The following CACNA2D3 variants were observed in gnomAD, a reference collection of about 807,000 sequenced individuals.
CACNA2D3 encodes the protein voltage-dependent calcium channel subunit alpha-2/delta-3.
CACNA2D3 carries 60 observed loss-of-function variants against 160.6 expected under a neutral mutation model. The ratio of observed to expected loss-of-function variants is 0.37; its 90% CI spans 0.30 to 0.46. The LOEUF is 0.46. Among genes scored for constraint, CACNA2D3 ranks in the 20% least tolerant of loss-of-function variants. The pLI is 1.00. For synonymous variants in CACNA2D3, 558 were observed against 492.9 expected (o/e 1.13, Z -1.75); for missense variants, 1,205 against 1,365.0 (o/e 0.88, Z 1.85).
At chr3:54,807,062 AT>A (rs1703147268) in intron 13 of CACNA2D3, among the ~76,000 whole-genome samples, 1 of 152,258 alleles carries the variant, frequency 6.6e-6, no homozygotes, top group Non-Finnish European at 1.5e-5. Context: ...TTCAAGATAG[AT>A]TAAAGACTTA....
chr3:54,888,646 T>G (rs191314407), intron 24 of CACNA2D3, among the ~76,000 whole-genome samples: 1 of 152,338 alleles, frequency 6.6e-6, no homozygotes, highest in East Asian at 1.9e-4. Flanking sequence ...TATATTTTCA[T>G]GTGTTACATG....
intron 5 of CACNA2D3, among the ~76,000 whole-genome samples, chr3:54,555,781 G>A (rs1238971175): frequency 6.6e-6 from 1 of 152,172 alleles, no homozygotes; most frequent in Admixed American, 6.5e-5. Context: ...AATGTGGATT[G>A]GATAGGAATA....
intron 11 of CACNA2D3, among the ~76,000 whole-genome samples, chr3:54,740,778 A>G (rs928440547): frequency 6.6e-6 from 1 of 152,168 alleles, no homozygotes; most frequent in Admixed American, 6.5e-5. Flanking sequence ...AGTGACAGGG[A>G]GGATGGGTTG....
intron 2 of CACNA2D3, among the ~76,000 whole-genome samples, chr3:54,301,166 A>T (rs1003891970): frequency 1.3e-5 from 2 of 152,112 alleles, no homozygotes; most frequent in African/African-American, 4.8e-5. Flanking sequence ...CTGAGGCAGG[A>T]GGCCCACTTG....
At chr3:54,967,653 G>C (rs1575413292) in intron 27 of CACNA2D3, among the ~76,000 whole-genome samples, 1 of 152,140 alleles carries the variant, frequency 6.6e-6, no homozygotes, top group Non-Finnish European at 1.5e-5. Context: ...CATCTGAGGA[G>C]CATTTTGCCC....
rs781375411 is a variant in CACNA2D3 at position 54,139,755 on chromosome 3, TAAAA to T, written c.204+16167_204+16170del. ...ACGTTAATTGCTTTAAACTGCCAAA[TAAAA>T]AAAAAGCCAGCATTCATTCAACAAG... On this transcript the variant is annotated intron_variant, in intron 2 of 37. Coordinates refer to ENST00000474759, the MANE Select transcript of CACNA2D3 (RefSeq NM_018398.3). 4.8e-4 allele frequency among the ~76,000 whole-genome samples: 72 copies of T among 151,312 alleles called. 3 individuals carry two copies. Among genetic ancestry groups the T allele is most frequent in the South Asian group, 1.5e-3 (7 of 4,774 alleles).
intron 5 of CACNA2D3, among the ~76,000 whole-genome samples, chr3:54,517,550 T>C (rs1227017043): frequency 6.6e-6 from 1 of 152,240 alleles, no homozygotes; most frequent in Non-Finnish European, 1.5e-5. Context: ...GCCCACCTGC[T>C]GCACAGGCTG....
intron 11 of CACNA2D3, among the ~76,000 whole-genome samples, chr3:54,687,144 T>TTTTTTTTTG (rs1700477166): frequency 1.3e-5 from 1 of 74,498 alleles, no homozygotes; most frequent in Admixed American, 1.1e-4. Context: ...TGTTTTTTTT[T>TTTTTTTTTG]TTTTTTGTTT....
chr3:55,018,699 T>C (rs1163206330), intron 35 of CACNA2D3, among the ~76,000 whole-genome samples: 3 of 152,126 alleles, frequency 2.0e-5, no homozygotes, highest in East Asian at 1.9e-4. Context: ...ACCTGATAAA[T>C]TGGAAATGTT....
chr3:54,715,812 A>T (rs559402473), intron 11 of CACNA2D3, among the ~76,000 whole-genome samples: 199 of 152,332 alleles, frequency 1.3e-3, no homozygotes, highest in Non-Finnish European at 2.5e-3. Context: ...CAACATGGAT[A>T]AACTTGGAGG....
chr3:54,294,178 G>C (rs966075902), intron 2 of CACNA2D3, among the ~76,000 whole-genome samples: 1 of 152,182 alleles, frequency 6.6e-6, no homozygotes, highest in Non-Finnish European at 1.5e-5. Flanking sequence ...GAAAGACTAA[G>C]TAACAGCCTG....
intron 2 of CACNA2D3, among the ~76,000 whole-genome samples, chr3:54,156,860 G>A (rs1461729645): frequency 6.6e-6 from 1 of 152,196 alleles, no homozygotes. Context: ...GCTCAGCTGA[G>A]CCCTTCCCCA....
intron 27 of CACNA2D3, among the ~76,000 whole-genome samples, chr3:54,961,392 T>C (rs1300853262): frequency 6.6e-6 from 1 of 152,214 alleles, no homozygotes; most frequent in African/African-American, 2.4e-5. Context: ...AGAGATGAAA[T>C]ATATGGGAAA....
intron 35 of CACNA2D3, among the ~76,000 whole-genome samples, chr3:55,069,673 C>T (rs1458987): frequency 0.21 from 32,421 of 152,032 alleles, 4,568 homozygotes; most frequent in African/African-American, 0.35. Context: ...TATCTGTTCT[C>T]TGGGTGATTG....
intron 11 of CACNA2D3, among the ~76,000 whole-genome samples, chr3:54,736,940 T>C (rs897886961): frequency 1.3e-5 from 2 of 152,200 alleles, no homozygotes; most frequent in African/African-American, 4.8e-5. Flanking sequence ...GTATCATGTA[T>C]GGTACCAGGT....
intron 9 of CACNA2D3, among the ~76,000 whole-genome samples, chr3:54,608,616 G>A (rs971453848): frequency 2.0e-5 from 3 of 152,214 alleles, no homozygotes; most frequent in African/African-American, 7.2e-5. Context: ...AAAGACTGGT[G>A]TAGACCATGC....
intron 11 of CACNA2D3, among the ~76,000 whole-genome samples, chr3:54,646,010 T>A (rs1699627782): frequency 6.6e-6 from 1 of 152,096 alleles, no homozygotes; most frequent in African/African-American, 2.4e-5. Context: ...TGTGGCTTGC[T>A]TTTAACCAAT....
At chr3:54,405,047 A>T (rs1403583479) in intron 4 of CACNA2D3, among the ~76,000 whole-genome samples, 1 of 151,938 alleles carries the variant, frequency 6.6e-6, no homozygotes, top group African/African-American at 2.4e-5. Context: ...ATGCTCATGA[A>T]TTGGAAGAAT....
At chr3:55,010,686 A>G (rs1703192918) in intron 34 of CACNA2D3, among the ~76,000 whole-genome samples, 1 of 152,234 alleles carries the variant, frequency 6.6e-6, no homozygotes, top group Admixed American at 6.5e-5. Flanking sequence ...TTAGTCACAT[A>G]TCAGCATTGC....
Sources: allele counts gnomAD v4.1 joint callset (sites outside exome capture counted in the v4.1 genomes callset), GRCh38; gene constraint gnomAD v4.1.1; transcripts MANE v1.5; gene names NCBI Gene and HGNC (gene_info 2026-07-23, HGNC 2026-07-21).